The following STAT1 variants were observed in gnomAD, a reference collection of about 807,000 sequenced individuals.
STAT1 encodes signal transducer and activator of transcription 1-alpha/beta.
Under a neutral mutation model 111.7 loss-of-function variants are expected in STAT1, and 24 were observed. The ratio of observed to expected loss-of-function variants is 0.21; its 90% confidence interval spans 0.16 to 0.30. STAT1 has a LOEUF of 0.30. Among genes scored for constraint, STAT1 ranks in the 10% least tolerant of loss-of-function variants. The pLI is 1.00. For synonymous variants in STAT1, 332 were observed against 326.5 expected (o/e 1.02, Z -0.18); for missense variants, 351 against 911.9 (o/e 0.38, Z 7.92).
chr2:190,992,692 TG>T, intron 10 of STAT1: 1 of 1,284,528 alleles, frequency 7.8e-7, no homozygotes, highest in Non-Finnish European at 1.0e-6. Flanking sequence ...ATTTTAACAC[TG>T]GACTTCTCAG....
chr2:190,975,972 C>A lies in STAT1; in HGVS notation c.2060-85G>T, dbSNP rs908430153. Reference sequence around the variant, plus strand: ...TCAACTTTTCGGGGGGATTAAAGTTCTACTGTGTTTCTAGACAGCTTAGCC... The same window carrying A: ...TCAACTTTTCGGGGGGATTAAAGTTATACTGTGTTTCTAGACAGCTTAGCC... On this transcript the variant is annotated intron_variant, in intron 22 of 24. Coordinates refer to ENST00000361099, the MANE Select transcript of STAT1 (RefSeq NM_007315.4). The surrounding 1 kb of genome is among the most constrained non-coding windows in gnomAD (Gnocchi z 5.9). The A allele has an allele frequency of 2.5e-6, 3 of 1,193,944 alleles. No homozygotes were observed. In the African/African-American group the frequency reaches 4.5e-5, roughly 18 times the overall value. 74.0% of individuals were successfully genotyped at this position (1,193,944 alleles called of 1,614,324 possible).
rs1691673026 is a variant in STAT1 at position 190,973,660 on chromosome 2, A to T, written c.2238+1170T>A. ...GCAGTGTTGGGAGCGAAACTCTAGC[A>T]GGATCCTTCTTACATGCAGAAAAGG... On this transcript the variant is annotated intron_variant, in intron 24 of 24. Coordinates refer to ENST00000361099, the MANE Select transcript of STAT1 (RefSeq NM_007315.4). This position sits in a 1 kb window ranked among gnomAD's most constrained non-coding sequence, Gnocchi z 4.4. Among the ~76,000 whole-genome samples the T allele has an allele frequency of 6.6e-6, 1 of 152,206 alleles. No individual in the cohort carries two copies. Among genetic ancestry groups the T allele is most frequent in the Non-Finnish European group, 1.5e-5 (1 of 68,038 alleles).
Position 190,978,827 on chromosome 2 carries a change from T to G in STAT1, c.1873+29A>C. On this transcript the variant is annotated intron_variant, in intron 21 of 24. Transcript: ENST00000361099. The surrounding 1 kb of genome is among the most constrained non-coding windows in gnomAD (Gnocchi z 6.1). ...GAGGGACTTCACACACATGGAATGGTGGGACTATGTGCTCAAACTCCCACT... is the reference window on the plus strand; with the variant it reads ...GAGGGACTTCACACACATGGAATGGGGGGACTATGTGCTCAAACTCCCACT... The G allele has an allele frequency of 6.2e-7, 1 of 1,612,422 alleles. No individual in the cohort carries two copies. Among genetic ancestry groups the G allele is most frequent in the East Asian group, 2.2e-5 (1 of 44,844 alleles).
chr2:191,008,885 T>C (rs1257679654), intron 4 of STAT1, 78 bp downstream of exon 4: 9 of 1,498,836 alleles, frequency 6.0e-6, no homozygotes, highest in Admixed American at 5.5e-5. Context: ...GTGTGCTCAA[T>C]TGTATTTGCT....
At chr2:190,988,629 T>C (rs908284607) in intron 12 of STAT1, among the ~76,000 whole-genome samples, 3 of 152,192 alleles carry the variant, frequency 2.0e-5, no homozygotes, top group Admixed American at 6.5e-5. Context: ...TCTGCCTGCC[T>C]TGGCCTCCCA....
At position 190,980,365 on chromosome 2, in the gene STAT1, G is replaced by C. The variant is rs1423051942; in HGVS notation, c.1632+255C>G. Among the ~76,000 whole-genome samples, 1 of 152,258 alleles carries C rather than the reference G, an allele frequency of 6.6e-6. No individual in the cohort carries two copies. Among genetic ancestry groups the C allele is most frequent in the Non-Finnish European group, 1.5e-5 (1 of 68,048 alleles). Reference sequence around the variant, plus strand: ...TAAAACACTGCTGGGCAGGGGTCCAGCGTGAGTGAACAGAAGCCTCATTTC... The same window carrying C: ...TAAAACACTGCTGGGCAGGGGTCCACCGTGAGTGAACAGAAGCCTCATTTC... On this transcript the variant is annotated intron_variant, in intron 19 of 24. Transcript: ENST00000361099. This position sits in a 1 kb window ranked among gnomAD's most constrained non-coding sequence, Gnocchi z 6.1.
chr2:190,980,733 G>T lies in STAT1; in HGVS notation c.1583-64C>A. On this transcript the variant is annotated intron_variant, in intron 18 of 24. Coordinates refer to ENST00000361099, the MANE Select transcript of STAT1 (RefSeq NM_007315.4). The surrounding 1 kb of genome is among the most constrained non-coding windows in gnomAD (Gnocchi z 6.1). ...CTGATTCTAAAGCTTTGGTTGGACG[G>T]ATGGCTCTTGTATTTGCTCTCAAGG... is the stretch of plus-strand genomic sequence containing the variant. The T allele has an allele frequency of 1.3e-6, 2 of 1,501,970 alleles. No homozygotes were observed. The highest frequency in any genetic ancestry group is 2.7e-5 in the African/African-American group (2 of 72,768). The allele number at this position is 1,501,970 out of a possible 1,614,324, so 93.0% of individuals were successfully genotyped here.
rs554013544 is a variant in STAT1, at chr2:191,012,203, C to T, written c.-2+1322G>A. Among the ~76,000 whole-genome samples, 10 of 151,772 alleles carry T rather than the reference C, an allele frequency of 6.6e-5. No homozygotes were observed. Among genetic ancestry groups the T allele is most frequent in the African/African-American group, 2.2e-4 (9 of 41,432 alleles). ...CAAGGTGGGCGGATTGCCTGAGCTC[C>T]GGAGTTCAAGACCAGCCTGGGCAAC... On this transcript the variant is annotated intron_variant, in intron 2 of 24. Coordinates refer to ENST00000361099, the MANE Select transcript of STAT1 (RefSeq NM_007315.4). The surrounding 1 kb of genome is among the most constrained non-coding windows in gnomAD (Gnocchi z 4.0).
At chr2:191,011,878 C>A (rs1695148287) in intron 2 of STAT1, among the ~76,000 whole-genome samples, 1 of 151,990 alleles carries the variant, frequency 6.6e-6, no homozygotes, top group South Asian at 2.1e-4. Flanking sequence ...AGCATGAGAA[C>A]AGACTAATAC....
Position 190,979,127 on chromosome 2 carries a change from T to C in STAT1, c.1728-126A>G. ...AAAACCTACGGTAAAAAACGTAGAC[T>C]ATTTTAAAATCTGTTCAGTTGACAC... On this transcript the variant is annotated intron_variant, in intron 20 of 24. Transcript: ENST00000361099. This position sits in a 1 kb window ranked among gnomAD's most constrained non-coding sequence, Gnocchi z 5.8. 8.0e-7 allele frequency: 1 copy of C among 1,257,060 alleles called. No individual in the cohort carries two copies. Among genetic ancestry groups the C allele is most frequent in the Non-Finnish European group, 1.1e-6 (1 of 887,576 alleles). 77.9% of individuals were successfully genotyped at this position (1,257,060 alleles called of 1,614,324 possible).
rs1234638278 is a variant in STAT1 at position 190,984,942 on chromosome 2, C to T, written c.1264-549G>A. 1.3e-5 allele frequency among the ~76,000 whole-genome samples: 2 copies of T among 152,240 alleles called. No homozygotes were observed. The highest frequency in any genetic ancestry group is 2.9e-5 in the Non-Finnish European group (2 of 68,044). ...ACAGCTAGACCCAGGGAGGTCAAAA[C>T]ATAGTTCAGGCGCACACCAGGGCTA... On this transcript the variant is annotated intron_variant, in intron 15 of 24. Coordinates refer to ENST00000361099, the MANE Select transcript of STAT1 (RefSeq NM_007315.4). The surrounding 1 kb of genome is among the most constrained non-coding windows in gnomAD (Gnocchi z 5.2).
rs190512124 is a variant in STAT1 at position 190,987,718 on chromosome 2, T to G, written c.1098-650A>C. 5.3e-5 allele frequency among the ~76,000 whole-genome samples: 8 copies of G among 152,350 alleles called. No homozygotes were observed. The highest frequency in any genetic ancestry group is 2.0e-4 in the Admixed American group (3 of 15,306). ...ACTTTGTCATGTTCTGGCCAAATAA[T>G]GTATCCGTGAGCGTCCTAGATGTAG... On this transcript the variant is annotated intron_variant, in intron 12 of 24. Coordinates refer to ENST00000361099, the MANE Select transcript of STAT1 (RefSeq NM_007315.4). The surrounding 1 kb of genome is among the most constrained non-coding windows in gnomAD (Gnocchi z 4.0).
In STAT1 at chr2:190,976,776, G is replaced by A. The variant is rs1015470113; in HGVS notation, c.2059+64C>T. 58 of 1,435,912 alleles carry A rather than the reference G, an allele frequency of 4.0e-5. No individual in the cohort carries two copies. In the Admixed American group the frequency reaches 7.2e-4, roughly 18 times the overall value. The allele number at this position is 1,435,912 out of a possible 1,614,324, so 88.9% of individuals were successfully genotyped here. On this transcript the variant is annotated intron_variant, in intron 22 of 24. Transcript: ENST00000361099. The surrounding 1 kb of genome is among the most constrained non-coding windows in gnomAD (Gnocchi z 6.0). Reference sequence around the variant, plus strand: ...AAAACACTGCATGGGTGGAGTTTCAGAATAATCACCCCCTCATCAGGAAAG... The same window carrying A: ...AAAACACTGCATGGGTGGAGTTTCAAAATAATCACCCCCTCATCAGGAAAG...
At chr2:191,002,747 C>T (rs1278563603) in intron 5 of STAT1, among the ~76,000 whole-genome samples, 1 of 152,016 alleles carries the variant, frequency 6.6e-6, no homozygotes, top group Non-Finnish European at 1.5e-5. Flanking sequence ...CTGGAGTTTT[C>T]CCAGTTAGGT....
rs1691966417 is a variant in STAT1, at chr2:190,977,122, C to T, written c.1874-97G>A. The T allele has an allele frequency of 1.7e-5, 20 of 1,207,592 alleles. No homozygotes were observed. The highest frequency in any genetic ancestry group is 7.0e-5 in the Admixed American group (4 of 57,538). 74.8% of individuals were successfully genotyped at this position (1,207,592 alleles called of 1,614,324 possible). ...TGCAGAGTTGATGGATTTGAGTGAACCTCATAAGAACTAATCACAATCTAA... is the reference window on the plus strand; with the variant it reads ...TGCAGAGTTGATGGATTTGAGTGAATCTCATAAGAACTAATCACAATCTAA... On this transcript the variant is annotated intron_variant, in intron 21 of 24. Coordinates refer to ENST00000361099, the MANE Select transcript of STAT1 (RefSeq NM_007315.4). The surrounding 1 kb of genome is among the most constrained non-coding windows in gnomAD (Gnocchi z 4.7).
chr2:190,972,004 C>T (rs1168648733), intron 24 of STAT1, among the ~76,000 whole-genome samples: 2 of 152,118 alleles, frequency 1.3e-5, no homozygotes, highest in African/African-American at 4.8e-5. Flanking sequence ...TGAGCCACCG[C>T]GCCCGGCCTG....
Position 190,977,627 on chromosome 2 carries a change from C to T in STAT1, c.1874-602G>A, listed in dbSNP as rs1425700395. Among the ~76,000 whole-genome samples the T allele has an allele frequency of 6.6e-6, 1 of 152,146 alleles. No homozygotes were observed. Among genetic ancestry groups the T allele is most frequent in the East Asian group, 1.9e-4 (1 of 5,194 alleles). On this transcript the variant is annotated intron_variant, in intron 21 of 24. Transcript: ENST00000361099. This position sits in a 1 kb window ranked among gnomAD's most constrained non-coding sequence, Gnocchi z 4.7. The stretch of plus-strand genomic sequence containing the variant: ...TGATACAGAATCTCCCTTTGGGTGT[C>T]GACCTTCCAGAGGCCACGGTTCAGG...
In STAT1 at chr2:191,004,157, GCCC is replaced by G. The variant is rs1694501108; in HGVS notation, c.373-2997_373-2995del. ...ATCCCTCCCTGCTTCCCTCCACCCT[GCCC>G]CCATCTGCTAAGCAGATGCTTGGCT... is the stretch of plus-strand genomic sequence containing the variant. On this transcript the variant is annotated intron_variant, in intron 5 of 24. Transcript: ENST00000361099. This position sits in a 1 kb window ranked among gnomAD's most constrained non-coding sequence, Gnocchi z 5.0. 6.6e-6 allele frequency among the ~76,000 whole-genome samples: 1 copy of G among 152,018 alleles called. No individual in the cohort carries two copies. The highest frequency in any genetic ancestry group is 1.5e-5 in the Non-Finnish European group (1 of 67,988).
chr2:190,998,024 AAACAAAG>A lies in STAT1; in HGVS notation c.634-24_634-18del, dbSNP rs1381851174. ...AACTACTTCCTAAAGGCAATAGAAG[AAACAAAG>A]TGAAATAAATTCATTTTTAATCACT... On this transcript the variant is annotated intron_variant, in intron 8 of 24. Transcript: ENST00000361099. The surrounding 1 kb of genome is among the most constrained non-coding windows in gnomAD (Gnocchi z 4.1). 6 of 1,613,590 alleles carry A rather than the reference AAACAAAG, an allele frequency of 3.7e-6. No individual in the cohort carries two copies. In the African/African-American group the frequency reaches 8.0e-5, roughly 21 times the overall value.
Sources: gnomAD v4.1 joint callset for allele counts (sites outside exome capture counted in the v4.1 genomes callset) on GRCh38, gnomAD v4.1.1 for gene constraint, Gnocchi (gnomAD v3.1) non-coding constraint, MANE v1.5 for transcripts, NCBI Gene and HGNC (gene_info 2026-07-23, HGNC 2026-07-21) for gene names.